Variants in UGT2B17 observed in about 807,000 individuals in gnomAD.
The protein encoded by UGT2B17 is UDP-glucuronosyltransferase 2B17.
Under a neutral mutation model 48.2 loss-of-function variants are expected in UGT2B17, and 21 were observed. That is an observed-to-expected ratio of 0.44 (90% CI 0.31 to 0.63). The LOEUF (loss-of-function observed/expected upper bound fraction) is 0.63. Ranked by LOEUF, UGT2B17 falls within the 20% of genes least tolerant of loss-of-function variation. The pLI, the probability that UGT2B17 is intolerant of heterozygous loss-of-function variation, is 0.08. For synonymous variants in UGT2B17, 146 were observed against 238.4 expected, an observed-to-expected ratio of 0.61 and a Z score of 3.57; for missense variants, 402 against 696.1, an observed-to-expected ratio of 0.58 and a Z score of 4.75.
chr4:68,564,006 G>C (rs148959843), intron 3 of UGT2B17, among the ~76,000 whole-genome samples: 1,538 of 124,378 alleles, frequency 0.012, 292 homozygotes, highest in African/African-American at 0.039. Flanking sequence ...CTATGTGTCA[G>C]AGACAACTTA....
At chr4:68,540,486 G>T (rs1382485095) in intron 6 of UGT2B17, among the ~76,000 whole-genome samples, 1 of 125,670 alleles carries the variant, frequency 8.0e-6, no homozygotes, top group African/African-American at 2.7e-5. Context: ...ACCATGCCTA[G>T]CTAATTTTTG....
intron 3 of UGT2B17, among the ~76,000 whole-genome samples, chr4:68,564,952 C>G (rs772041719): frequency 2.4e-5 from 3 of 125,578 alleles, no homozygotes; most frequent in Non-Finnish European, 5.1e-5. Context: ...AAGCAATCGT[C>G]CCTTCTCTGC....
intron 2 of UGT2B17, among the ~76,000 whole-genome samples, chr4:68,566,103 C>T (rs1330080185): frequency 1.8e-5 from 2 of 113,260 alleles, no homozygotes; most frequent in East Asian, 8.1e-4. Flanking sequence ...TAAAATTAAA[C>T]AATATTTAAT....
Position 68,572,198 on chromosome 4 carries a change from A to T in UGT2B17, c.-64-3650T>A, listed in dbSNP as rs1295620839. On this transcript the variant is annotated intron_variant, in intron 1 of 6. Coordinates refer to ENST00000317746, the MANE Select transcript of UGT2B17 (RefSeq NM_001077.4). ...GTAACTTTCTTTTTTAATTTAGAGA[A>T]TCACATCCTGTTTCATGCTGCTTAC... Among the ~76,000 whole-genome samples, 2 of 126,570 alleles carry T rather than the reference A, an allele frequency of 1.6e-5. 1 individual carries two copies. Among genetic ancestry groups the T allele is most frequent in the Non-Finnish European group, 3.3e-5 (2 of 59,718 alleles). 83.0% of individuals were successfully genotyped at this position (126,570 alleles called of 152,430 possible).
chr4:68,564,290 A>ATTTTTTTTTTTT (rs1413452406), intron 3 of UGT2B17, among the ~76,000 whole-genome samples: 1 of 89,660 alleles, frequency 1.1e-5, no homozygotes, highest in African/African-American at 5.7e-5. Flanking sequence ...ATATATATAT[A>ATTTTTTTTTTTT]TATATTTTTT....
chr4:68,568,677 G>T, intron 1 of UGT2B17, 129 bp from the exon 2 acceptor site: 2 of 453,986 alleles, frequency 4.4e-6, no homozygotes, highest in Non-Finnish European at 6.4e-6. Flanking sequence ...TTATGACCTA[G>T]AATACGTAAG....
chr4:68,541,722 G>A (rs759253018), intron 6 of UGT2B17, among the ~76,000 whole-genome samples: 2 of 126,368 alleles, frequency 1.6e-5, no homozygotes, highest in Non-Finnish European at 3.4e-5. Context: ...TTTTGCCCAC[G>A]CCTATGTCCT....
chr4:68,551,741 A>T, intron 5 of UGT2B17, 83 bp downstream of exon 5: 1 of 937,758 alleles, frequency 1.1e-6, no homozygotes, highest in Non-Finnish European at 1.4e-6. Flanking sequence ...ATAAATGTTA[A>T]ATATGTTTGT....
chr4:68,570,666 T>C (rs974570965), intron 1 of UGT2B17, among the ~76,000 whole-genome samples: 5 of 126,684 alleles, frequency 3.9e-5, no homozygotes, highest in Admixed American at 8.1e-5. Context: ...ACAGTTGTGC[T>C]GAAGCATTTT....
chr4:68,542,864 C>G (rs554324245), intron 6 of UGT2B17, among the ~76,000 whole-genome samples: 1 of 126,962 alleles, frequency 7.9e-6, no homozygotes. Flanking sequence ...AGTCTGAGAT[C>G]GAACTGCAAG....
In UGT2B17 at chr4:68,537,551, A is replaced by T. The variant is rs1186002836; in HGVS notation, c.*74T>A. 4.2e-6 allele frequency: 5 copies of T among 1,197,472 alleles called. 1 individual carries two copies. Among genetic ancestry groups the T allele is most frequent in the Non-Finnish European group, 5.3e-6 (5 of 937,338 alleles). 74.2% of individuals were successfully genotyped at this position (1,197,472 alleles called of 1,614,324 possible). The stretch of plus-strand genomic sequence containing the variant: ...TGTCGCAGGAAAAAGGAAATCCTCC[A>T]TTTAAAACCCTCCATGCTGGAATAA... On this transcript the variant is annotated 3_prime_UTR_variant, in exon 7 of 7. Coordinates refer to ENST00000317746, the MANE Select transcript of UGT2B17 (RefSeq NM_001077.4).
At chr4:68,539,960 A>G (rs113122133) in intron 6 of UGT2B17, among the ~76,000 whole-genome samples, 8,113 of 120,476 alleles carry the variant, frequency 0.067, 2,023 homozygotes, top group Non-Finnish European at 0.11. Context: ...TAAGTTTTGT[A>G]TTACTAGTGG....
chr4:68,573,593 T>C (rs1731326944), intron 1 of UGT2B17, among the ~76,000 whole-genome samples: 1 of 126,122 alleles, frequency 7.9e-6, no homozygotes, highest in Admixed American at 8.1e-5. Flanking sequence ...TCCTCTCACT[T>C]TACGATGTGT....
In UGT2B17 at chr4:68,544,410, C is replaced by A. The variant is rs1196720951; in HGVS notation, c.1313+6267G>T. Reference sequence around the variant, plus strand: ...AGCAAATGCTGAGAGATTTTGTCACCACCAGGCCTGCCCTAAAAGAGCTCC... The same window carrying A: ...AGCAAATGCTGAGAGATTTTGTCACAACCAGGCCTGCCCTAAAAGAGCTCC... On this transcript the variant is annotated intron_variant, in intron 6 of 6. Transcript: ENST00000317746. Among the ~76,000 whole-genome samples the A allele has an allele frequency of 1.6e-5, 2 of 125,434 alleles. 1 individual carries two copies. Among genetic ancestry groups the A allele is most frequent in the Non-Finnish European group, 3.4e-5 (2 of 59,418 alleles). 82.3% of individuals were successfully genotyped at this position (125,434 alleles called of 152,430 possible).
At chr4:68,539,875 C>T (rs1730622803) in intron 6 of UGT2B17, among the ~76,000 whole-genome samples, 1 of 115,572 alleles carries the variant, frequency 8.7e-6, no homozygotes, top group African/African-American at 3.0e-5. Context: ...ACTTACGTCT[C>T]CTGGGTTCAA....
At position 68,568,041 on chromosome 4, in the gene UGT2B17, G is replaced by A. The variant is rs1179837992; in HGVS notation, c.444C>T (p.Val148=). 1.4e-6 allele frequency: 2 copies of A among 1,382,724 alleles called. No individual in the cohort carries two copies. The highest frequency in any genetic ancestry group is 9.5e-7 in the Non-Finnish European group (1 of 1,055,442). The allele number at this position is 1,382,724 out of a possible 1,614,324, so 85.7% of individuals were successfully genotyped here. Residue 148 remains valine, a synonymous_variant, in exon 2 of 7, where the codon GTC becomes GTT. Transcript: ENST00000317746. The part of the protein sequence containing the change: ...MRKLQESKFD[V]LLADAVNPCG... ...AGGGATTAACGGCATCTGCCAGAAGGACATCAAATTTTGACTCTTGTAGTT... is the reference window on the plus strand; with the variant it reads ...AGGGATTAACGGCATCTGCCAGAAGAACATCAAATTTTGACTCTTGTAGTT...
At position 68,537,571 on chromosome 4, in the gene UGT2B17, G is replaced by C. The variant is rs148184203; in HGVS notation, c.*54C>G. 1.3e-5 allele frequency: 16 copies of C among 1,258,186 alleles called. 5 individuals carry two copies. The African/African-American group carries it at 2.5e-4, about 19-fold the overall frequency. The allele number at this position is 1,258,186 out of a possible 1,614,324, so 77.9% of individuals were successfully genotyped here. On this transcript the variant is annotated 3_prime_UTR_variant, in exon 7 of 7. Coordinates refer to ENST00000317746, the MANE Select transcript of UGT2B17 (RefSeq NM_001077.4). Reference sequence around the variant, plus strand: ...CCTCCATTTAAAACCCTCCATGCTGGAATAAAGGAGGAGTCCCATCTTTTG... The same window carrying C: ...CCTCCATTTAAAACCCTCCATGCTGCAATAAAGGAGGAGTCCCATCTTTTG...
Position 68,559,599 on chromosome 4 carries a change from ACT to A in UGT2B17, c.1005+936_1005+937del, listed in dbSNP as rs1731065545. Among the ~76,000 whole-genome samples, 2 of 126,280 alleles carry A rather than the reference ACT, an allele frequency of 1.6e-5. 1 individual carries two copies. The highest frequency in any genetic ancestry group is 1.6e-4 in the Admixed American group (2 of 12,324). 82.8% of individuals were successfully genotyped at this position (126,280 alleles called of 152,430 possible). On this transcript the variant is annotated intron_variant, in intron 4 of 6. Coordinates refer to ENST00000317746, the MANE Select transcript of UGT2B17 (RefSeq NM_001077.4). ...TATTTGATATGGGAGTGTTAAAGTA[ACT>A]CTGTGTTTTCAGCAAAAACTTGCAT...
intron 6 of UGT2B17, among the ~76,000 whole-genome samples, chr4:68,540,820 G>A (rs758048585): frequency 1.6e-5 from 2 of 123,822 alleles, no homozygotes; most frequent in African/African-American, 2.8e-5. Context: ...GAATGGCCCC[G>A]GTGTGTTTTG....
Sources: allele counts gnomAD v4.1 joint callset (sites outside exome capture counted in the v4.1 genomes callset), GRCh38; gene constraint gnomAD v4.1.1; transcripts MANE v1.5; gene names NCBI Gene and HGNC (gene_info 2026-07-23, HGNC 2026-07-21).